Variants in MFSD1 observed in about 807,000 individuals in gnomAD.
MFSD1 encodes lysosomal dipeptide transporter MFSD1.
In MFSD1, 59 loss-of-function variants were observed where a neutral mutation model predicts 67.1. The ratio of observed to expected loss-of-function variants is 0.88; its 90% CI spans 0.71 to 1.09. MFSD1 has a LOEUF of 1.09. Ranked by LOEUF, MFSD1 falls within the 50% of genes least tolerant of loss-of-function variation. The pLI, the probability that MFSD1 is intolerant of heterozygous loss-of-function variation, is 0.00. For synonymous variants in MFSD1, 213 were observed against 200.3 expected, an observed-to-expected ratio of 1.06 and a Z score of -0.54; for missense variants, 552 against 566.1, an observed-to-expected ratio of 0.97 and a Z score of 0.25.
In MFSD1 at chr3:158,819,639, T is replaced by A. The variant is rs1039149166; in HGVS notation, c.653-10T>A. 9.4e-6 allele frequency: 13 copies of A among 1,389,620 alleles called. No homozygotes were observed. Among genetic ancestry groups the A allele is most frequent in the Non-Finnish European group, 1.2e-5 (12 of 1,016,908 alleles). The allele number at this position is 1,389,620 out of a possible 1,614,324, so 86.1% of individuals were successfully genotyped here. The stretch of plus-strand genomic sequence containing the variant: ...AAGTCTGTTTTTCTTTTTTTTTTTT[T>A]TTTATTTAGGGGGTATAACGTGTAT... On this transcript the variant is annotated splice_polypyrimidine_tract_variant and intron_variant, in intron 7 of 15. Transcript: ENST00000415822.
chr3:158,821,312 G>A lies in MFSD1; in HGVS notation c.864-285G>A, dbSNP rs1462399899. 2.6e-5 allele frequency among the ~76,000 whole-genome samples: 4 copies of A among 152,284 alleles called. No individual in the cohort carries two copies. In the East Asian group the frequency reaches 7.7e-4, roughly 29 times the overall value. The stretch of plus-strand genomic sequence containing the variant: ...GTACTGCTTTTAAGGAAAAGAAGCA[G>A]CCTTAAGTCCCTGTGGTAGTATATT... On this transcript the variant is annotated intron_variant, in intron 9 of 15. Coordinates refer to ENST00000415822, the MANE Select transcript of MFSD1 (RefSeq NM_022736.4).
chr3:158,816,887 G>A (rs1186962174), intron 7 of MFSD1, among the ~76,000 whole-genome samples: 1 of 149,608 alleles, frequency 6.7e-6, no homozygotes, highest in Admixed American at 6.7e-5. Context: ...AGTTTTCCCA[G>A]CACCATTTAT....
Position 158,821,581 on chromosome 3 carries a change from G to T in MFSD1, c.864-16G>T. On this transcript the variant is annotated splice_polypyrimidine_tract_variant and intron_variant, in intron 9 of 15. Transcript: ENST00000415822. ...TTCTCTCTAATGTGCTAATTTCTCT[G>T]TCTTTTTAATTTTAGAGTTTTCTTT... The T allele has an allele frequency of 6.3e-7, 1 of 1,581,980 alleles. No homozygotes were observed. The highest frequency in any genetic ancestry group is 8.7e-7 in the Non-Finnish European group (1 of 1,154,960).
rs537409362 is a variant in MFSD1, at chr3:158,815,264, G to A, written c.652+1197G>A. ...GAAAAACCACTAAGTTGGGAGTCAG[G>A]AGCCCTGGCTCTAATGCTAGCTCTA... On this transcript the variant is annotated intron_variant, in intron 7 of 15. Coordinates refer to ENST00000415822, the MANE Select transcript of MFSD1 (RefSeq NM_022736.4). Among the ~76,000 whole-genome samples the A allele has an allele frequency of 3.3e-5, 5 of 152,120 alleles. No individual in the cohort carries two copies. In the East Asian group the frequency reaches 9.7e-4, roughly 29 times the overall value.
Position 158,819,561 on chromosome 3 carries a change from C to T in MFSD1, c.653-88C>T, listed in dbSNP as rs979280447. ...ACATCCCTTTCAGTTGCTGTTTTTGCTGTTTATGTAATGTACTTCTCCTTA... is the reference window on the plus strand; with the variant it reads ...ACATCCCTTTCAGTTGCTGTTTTTGTTGTTTATGTAATGTACTTCTCCTTA... On this transcript the variant is annotated intron_variant, in intron 7 of 15. Transcript: ENST00000415822. 50 of 610,872 alleles carry T rather than the reference C, an allele frequency of 8.2e-5. No homozygotes were observed. The African/African-American group carries it at 9.2e-4, about 11-fold the overall frequency. 37.8% of individuals were successfully genotyped at this position (610,872 alleles called of 1,614,324 possible).
At chr3:158,810,229 T>C (rs1232108834) in intron 6 of MFSD1, among the ~76,000 whole-genome samples, 1 of 152,170 alleles carries the variant, frequency 6.6e-6, no homozygotes, top group East Asian at 1.9e-4. Context: ...TATGTTTTTA[T>C]TAATGCAAAC....
At chr3:158,827,820 A>T (rs1429931566) in intron 15 of MFSD1, among the ~76,000 whole-genome samples, 1 of 152,052 alleles carries the variant, frequency 6.6e-6, no homozygotes, top group Non-Finnish European at 1.5e-5. Flanking sequence ...CAGAAAATTT[A>T]AAAATGGATA....
chr3:158,827,193 C>A, intron 14 of MFSD1, 87 bp from the exon 15 acceptor site: 1 of 757,946 alleles, frequency 1.3e-6, no homozygotes, highest in African/African-American at 1.9e-5. Flanking sequence ...TGTATCTATG[C>A]AAATGGTTGC....
At chr3:158,821,930 C>A (rs1730697676) in intron 10 of MFSD1, 54 bp from the exon 11 acceptor site, 4 of 1,553,848 alleles carry the variant, frequency 2.6e-6, no homozygotes, top group African/African-American at 1.4e-5. Context: ...TTTCTTGAAA[C>A]TGATGTTTGA....
At chr3:158,810,178 C>T (rs933534860) in intron 6 of MFSD1, among the ~76,000 whole-genome samples, 5 of 152,158 alleles carry the variant, frequency 3.3e-5, no homozygotes, top group African/African-American at 9.7e-5. Flanking sequence ...TGTGTACCAC[C>T]ATGTGCAGCT....
Position 158,828,365 on chromosome 3 carries a change from G to GT in MFSD1, c.1395-607dup, listed in dbSNP as rs571536873. ...AGGTTAAAATCTGGTAGAACAGTCTGTTTTTTTGAGATGGGGGTGGTTTTG... is the reference window on the plus strand; with the variant it reads ...AGGTTAAAATCTGGTAGAACAGTCTGTTTTTTTTGAGATGGGGGTGGTTTTG... On this transcript the variant is annotated intron_variant, in intron 15 of 15. Coordinates refer to ENST00000415822, the MANE Select transcript of MFSD1 (RefSeq NM_022736.4). Among the ~76,000 whole-genome samples, 512 of 152,026 alleles carry GT rather than the reference G, an allele frequency of 3.4e-3. 1 individual carries two copies. Among genetic ancestry groups the GT allele is most frequent in the Non-Finnish European group, 6.0e-3 (411 of 67,940 alleles).
chr3:158,805,074 G>C (rs1729656314), intron 2 of MFSD1, among the ~76,000 whole-genome samples: 1 of 152,138 alleles, frequency 6.6e-6, no homozygotes. Context: ...GACAGAAGTG[G>C]TCCCTGTAGC....
At chr3:158,825,249 G>A (rs1239189423) in intron 13 of MFSD1, 2 of 152,116 alleles carry the variant, frequency 1.3e-5, no homozygotes, top group Non-Finnish European at 2.9e-5. Context: ...ACTTTGAACT[G>A]CGGAGTTCAG....
At position 158,827,302 on chromosome 3, in the gene MFSD1, A is replaced by C; in HGVS notation, c.1359A>C (p.Ala453=). The C allele has an allele frequency of 6.4e-7, 1 of 1,554,126 alleles. No individual in the cohort carries two copies. Residue 453 remains alanine (A), a synonymous_variant, in exon 15 of 16, where the codon GCA becomes GCC. Coordinates refer to ENST00000415822, the MANE Select transcript of MFSD1 (RefSeq NM_022736.4). ...RAQGGNLNYS[A]RQREEIKFSH... ...TAGGTGGGAACCTAAATTATTCTGCAAGACAAAGGGAAGAAATAAAATTTT... is the reference window on the plus strand; with the variant it reads ...TAGGTGGGAACCTAAATTATTCTGCCAGACAAAGGGAAGAAATAAAATTTT...
At chr3:158,814,831 C>T (rs1288007041) in intron 7 of MFSD1, among the ~76,000 whole-genome samples, 1 of 151,920 alleles carries the variant, frequency 6.6e-6, no homozygotes, top group African/African-American at 2.4e-5. Flanking sequence ...ACCTATAATC[C>T]CAGCACTTTG....
intron 8 of MFSD1, 103 bp downstream of exon 8, chr3:158,819,850 C>T: frequency 1.8e-6 from 1 of 567,702 alleles, no homozygotes; most frequent in Non-Finnish European, 3.1e-6. Context: ...CCAGGTGGAG[C>T]TTAAGACATG....
chr3:158,826,773 T>C (rs1730988235), intron 14 of MFSD1, among the ~76,000 whole-genome samples: 2 of 151,754 alleles, frequency 1.3e-5, no homozygotes, highest in African/African-American at 4.8e-5. Context: ...GATCAAGTGA[T>C]CCTCCCACTT....
In MFSD1 at chr3:158,829,247, A is replaced by G; in HGVS notation, c.*265A>G. ...AAAATTGCTGTGGAACATCCAGGTG[A>G]ACTTCAGGAAAGACAGTGAAAAATG... is the stretch of plus-strand genomic sequence containing the variant. On this transcript the variant is annotated 3_prime_UTR_variant, in exon 16 of 16. Transcript: ENST00000415822. 1 of 297,662 alleles carries G rather than the reference A, an allele frequency of 3.4e-6. No individual in the cohort carries two copies. Among genetic ancestry groups the G allele is most frequent in the Non-Finnish European group, 6.1e-6 (1 of 163,174 alleles). 18.4% of individuals were successfully genotyped at this position (297,662 alleles called of 1,614,324 possible).
intron 5 of MFSD1, among the ~76,000 whole-genome samples, chr3:158,808,101 G>C (rs1005635335): frequency 6.6e-6 from 1 of 152,182 alleles, no homozygotes; most frequent in African/African-American, 2.4e-5. Flanking sequence ...AAAAGTAACC[G>C]TCAGTGAGAG....
Sources: allele counts gnomAD v4.1 joint callset (sites outside exome capture counted in the v4.1 genomes callset), GRCh38; gene constraint gnomAD v4.1.1; transcripts MANE v1.5; gene names NCBI Gene and HGNC (gene_info 2026-07-23, HGNC 2026-07-21).